The following GALC variants were observed in gnomAD, a reference collection of about 807,000 sequenced individuals.
GALC encodes the protein galactocerebrosidase.
A neutral mutation model predicts 91.8 loss-of-function variants in GALC; 77 were observed. That is an observed-to-expected ratio of 0.84 (90% CI 0.70 to 1.01). The LOEUF (loss-of-function observed/expected upper bound fraction) is 1.01, where lower values mean the gene tolerates loss of function less well. Among genes scored for constraint, GALC ranks in the 50% least tolerant of loss-of-function variants. GALC has a pLI of 0.00. For missense variants in GALC, 882 were observed against 855.9 expected (o/e 1.03, Z -0.38); for synonymous variants, 357 against 306.7 (o/e 1.16, Z -1.71).
intron 1 of GALC, 186 bp downstream of exon 1, chr14:87,992,784 C>G: frequency 7.1e-7 from 1 of 1,412,234 alleles, no homozygotes; most frequent in Non-Finnish European, 9.2e-7. Flanking sequence ...TCGTGTTAAA[C>G]GAGAAAGCAC....
At chr14:87,993,313 A>C, upstream of GALC, 1 of 1,536,770 alleles carries the variant, frequency 6.5e-7, no homozygotes, top group Non-Finnish European at 8.7e-7. Context: ...AGTGTTGAGA[A>C]AAGAAGCAGC....
At chr14:87,982,663 A>G (rs376452434) in intron 5 of GALC, among the ~76,000 whole-genome samples, 49 of 152,330 alleles carry the variant, frequency 3.2e-4, no homozygotes, top group African/African-American at 1.2e-3. Context: ...TATAGAAGGC[A>G]TATTTTTAAG....
At chr14:87,954,643 G>A in intron 10 of GALC, 1 of 1,579,914 alleles carries the variant, frequency 6.3e-7, no homozygotes, top group Non-Finnish European at 8.7e-7. Flanking sequence ...CCCACCTAGA[G>A]GATAAATGTT....
At chr14:87,966,629 G>T (rs773542957) in intron 8 of GALC, among the ~76,000 whole-genome samples, 66 of 152,034 alleles carry the variant, frequency 4.3e-4, no homozygotes, top group Non-Finnish European at 8.8e-4. Context: ...TTATAATTTT[G>T]CCCATGGTTT....
chr14:87,974,238 G>A (rs1252994476), intron 7 of GALC, among the ~76,000 whole-genome samples: 2 of 152,202 alleles, frequency 1.3e-5, no homozygotes, highest in Middle Eastern at 6.8e-3. Flanking sequence ...GCCTTGAAAG[G>A]TAAAGAATAA....
chr14:87,947,267 GA>G (rs1406640560), intron 13 of GALC, among the ~76,000 whole-genome samples: 11 of 131,580 alleles, frequency 8.4e-5, no homozygotes, highest in Middle Eastern at 4.2e-3. Flanking sequence ...AGAAAACCAA[GA>G]AAGCTCAATT....
intron 13 of GALC, among the ~76,000 whole-genome samples, chr14:87,946,696 A>G (rs1237699772): frequency 6.6e-6 from 1 of 152,002 alleles, no homozygotes; most frequent in African/African-American, 2.4e-5. Context: ...CACTTTTGCT[A>G]ACAGAGAACC....
At chr14:87,988,639 C>T (rs1887070886) in intron 1 of GALC, 116 bp from the exon 2 acceptor site, 1 of 815,542 alleles carries the variant, frequency 1.2e-6, no homozygotes, top group East Asian at 2.4e-5. Context: ...CAAGGTCAGG[C>T]TGAGGAAAAG....
intron 3 of GALC, among the ~76,000 whole-genome samples, chr14:87,987,244 G>T (rs536432036): frequency 2.0e-5 from 3 of 152,284 alleles, no homozygotes; most frequent in African/African-American, 7.2e-5. Context: ...TTGCTAAGTA[G>T]GGCCTTCCGA....
rs186130320 is a variant in GALC, at chr14:87,935,724, G to A, written c.1912-846C>T. On this transcript the variant is annotated intron_variant, in intron 16 of 16. Coordinates refer to ENST00000261304, the MANE Select transcript of GALC (RefSeq NM_000153.4). The stretch of plus-strand genomic sequence containing the variant: ...ACTAGCTACTCTCAGAAGGTGAAGA[G>A]CTCAAAACTCAAAGCACTGGGCCAA... Among the ~76,000 whole-genome samples, 36 of 152,146 alleles carry A rather than the reference G, an allele frequency of 2.4e-4. No homozygotes were observed. The East Asian group carries it at 6.2e-3, about 26-fold the overall frequency.
intron 1 of GALC, chr14:87,992,698 T>C: frequency 7.0e-7 from 1 of 1,432,882 alleles, no homozygotes; most frequent in Non-Finnish European, 9.1e-7. Context: ...TACTTAGACC[T>C]GTCACTTTAC....
At chr14:87,980,770 C>T (rs1886706504) in intron 6 of GALC, 1 of 152,200 alleles carries the variant, frequency 6.6e-6, no homozygotes, top group Non-Finnish European at 1.5e-5. Flanking sequence ...TACAAAAAAT[C>T]CTTTTGGGCA....
At chr14:87,946,694 C>T (rs1258653090) in intron 13 of GALC, among the ~76,000 whole-genome samples, 1 of 151,942 alleles carries the variant, frequency 6.6e-6, no homozygotes, top group Non-Finnish European at 1.5e-5. Flanking sequence ...GTCACTTTTG[C>T]TAACAGAGAA....
intron 1 of GALC, among the ~76,000 whole-genome samples, chr14:87,991,633 G>T (rs778134651): frequency 7.2e-5 from 11 of 152,240 alleles, no homozygotes; most frequent in Non-Finnish European, 1.0e-4. Context: ...GTTTAAAGTG[G>T]TATGCAAATA....
intron 9 of GALC, among the ~76,000 whole-genome samples, chr14:87,965,176 T>C (rs879481841): frequency 2.0e-5 from 3 of 152,168 alleles, no homozygotes; most frequent in Non-Finnish European, 2.9e-5. Flanking sequence ...ACTCTGTTTA[T>C]AAATACATAA....
Position 87,986,559 on chromosome 14 carries a change from A to C in GALC, c.372T>G (p.Asn124Lys). The change falls in exon 4 of 17, where the codon AAT (asparagine) becomes AAG (lysine). Residue 124 changes from asparagine to lysine, a missense_variant. By Grantham distance (94) the Asn-to-Lys change is moderately conservative. Transcript: ENST00000261304. ...ACCACCACTCGTATCCTCGGAAATA[A>C]TTCTCATCTAGTGCATAATGCATGT... ...PSHMHYALDE[N>K]YFRGYEWWLM... The C allele has an allele frequency of 1.9e-6, 3 of 1,613,926 alleles. No homozygotes were observed. Among genetic ancestry groups the C allele is most frequent in the Non-Finnish European group, 2.5e-6 (3 of 1,179,832 alleles).
At chr14:87,950,344 T>C (rs997814571) in intron 11 of GALC, among the ~76,000 whole-genome samples, 6 of 152,004 alleles carry the variant, frequency 3.9e-5, no homozygotes, top group African/African-American at 1.4e-4. Flanking sequence ...AACAATATTT[T>C]TGGCATAGTA....
In GALC at chr14:87,968,405, T is replaced by C. The variant is rs1253723531; in HGVS notation, c.838A>G (p.Asn280Asp). Residue 280 changes from asparagine (N) to aspartate (D), a missense_variant, in exon 8 of 17, where the codon AAT becomes GAT. Physicochemically the swap from Asn to Asp is conservative, Grantham distance 23. Coordinates refer to ENST00000261304, the MANE Select transcript of GALC (RefSeq NM_000153.4). The stretch of plus-strand genomic sequence containing the variant: ...CAGCAGCCTGCACCCATGTCACTAT[T>C]TAAAGTGCTAAAGTCTTCAGAAGAC... ...LWSSEDFSTLNSDMGAGCWGR... is the reference protein window; with the variant it reads ...LWSSEDFSTLDSDMGAGCWGR... 1 of 1,613,824 alleles carries C rather than the reference T, an allele frequency of 6.2e-7. No homozygotes were observed. Among genetic ancestry groups the C allele is most frequent in the East Asian group, 2.2e-5 (1 of 44,880 alleles).
intron 16 of GALC, among the ~76,000 whole-genome samples, chr14:87,935,941 C>T (rs1278109838): frequency 1.3e-5 from 2 of 152,148 alleles, no homozygotes; most frequent in African/African-American, 4.8e-5. Context: ...CAGCTATCTT[C>T]AGCTCTAGAA....
Sources: gnomAD v4.1 joint callset for allele counts (sites outside exome capture counted in the v4.1 genomes callset) on GRCh38, gnomAD v4.1.1 for gene constraint, MANE v1.5 for transcripts, NCBI Gene and HGNC (gene_info 2026-07-23, HGNC 2026-07-21) for gene names.